CPLX2: variants seen among roughly 807,000 people sequenced by gnomAD.
CPLX2 encodes the protein complexin-2.
CPLX2 carries 5 observed loss-of-function variants against 16.3 expected under a neutral mutation model. The ratio of observed to expected loss-of-function variants is 0.31; its 90% CI spans 0.16 to 0.64. The LOEUF (loss-of-function observed/expected upper bound fraction) is 0.64, where lower values mean the gene tolerates loss of function less well. CPLX2 is among the 30% of genes least tolerant of loss of function. The probability of loss-of-function intolerance (pLI) is 0.79; values close to 1 mark genes in which losing one functional copy is unlikely to be tolerated. For synonymous variants in CPLX2, 89 were observed against 73.2 expected, an observed-to-expected ratio of 1.22 and a Z score of -1.10; for missense variants, 144 against 181.4, an observed-to-expected ratio of 0.79 and a Z score of 1.18.
chr5:175,796,936 C>T (rs1277667415), intron 1 of CPLX2, among the ~76,000 whole-genome samples: 4 of 152,048 alleles, frequency 2.6e-5, no homozygotes, highest in African/African-American at 9.7e-5. Flanking sequence ...TCTCAGCCGC[C>T]GGCGGCTCTT....
chr5:175,860,772 G>A (rs910463802), intron 2 of CPLX2, among the ~76,000 whole-genome samples: 3 of 152,116 alleles, frequency 2.0e-5, no homozygotes, highest in Non-Finnish European at 2.9e-5. Context: ...AGCTGGCTAT[G>A]GATCTAATGC....
intron 2 of CPLX2, among the ~76,000 whole-genome samples, chr5:175,854,821 C>T (rs1759221681): frequency 6.6e-6 from 1 of 152,142 alleles, no homozygotes; most frequent in Admixed American, 6.5e-5. Flanking sequence ...GATCCAGCGC[C>T]ACAGTGGGAG....
chr5:175,816,455 C>T (rs1021320444), intron 2 of CPLX2, among the ~76,000 whole-genome samples: 3 of 152,192 alleles, frequency 2.0e-5, no homozygotes, highest in South Asian at 2.1e-4. Flanking sequence ...CTTGAGCCAC[C>T]GCACCCAGCC....
chr5:175,846,510 A>G (rs1189339603), intron 2 of CPLX2, among the ~76,000 whole-genome samples: 1 of 152,178 alleles, frequency 6.6e-6, no homozygotes, highest in Non-Finnish European at 1.5e-5. Flanking sequence ...GGGATGCTGG[A>G]CATTTATTGA....
intron 2 of CPLX2, among the ~76,000 whole-genome samples, chr5:175,833,463 C>T (rs769795901): frequency 6.6e-6 from 1 of 152,122 alleles, no homozygotes; most frequent in Non-Finnish European, 1.5e-5. Flanking sequence ...ACAAGGGACA[C>T]AGGGGACTCG....
rs376507906 is a variant in CPLX2 at position 175,825,108 on chromosome 5, C to T, written c.-89+16040C>T. Among the ~76,000 whole-genome samples, 12 of 152,048 alleles carry T rather than the reference C, an allele frequency of 7.9e-5. No homozygotes were observed. In the East Asian group the frequency reaches 1.5e-3, roughly 20 times the overall value. On this transcript the variant is annotated intron_variant, in intron 2 of 4. Coordinates refer to the CPLX2 transcript ENST00000359546. ...AGGGTACAGAGAAGCTTTAACTTGG[C>T]GAACTGGACCGGGTACAGTGGCTCG...
In CPLX2 at chr5:175,828,901, A is replaced by G. The variant is rs998226958; in HGVS notation, c.-89+19833A>G. On this transcript the variant is annotated intron_variant, in intron 2 of 4. Transcript: ENST00000359546. Reference sequence around the variant, plus strand: ...TCTGTTCCTAGAGAGGCTGTGATTCATGGCCATGGGGGATGCCTCCCCCAT... The same window carrying G: ...TCTGTTCCTAGAGAGGCTGTGATTCGTGGCCATGGGGGATGCCTCCCCCAT... Among the ~76,000 whole-genome samples, 12 of 152,256 alleles carry G rather than the reference A, an allele frequency of 7.9e-5. No individual in the cohort carries two copies. In the East Asian group the frequency reaches 2.3e-3, roughly 29 times the overall value.
chr5:175,823,189 T>C (rs1758544711), intron 2 of CPLX2, among the ~76,000 whole-genome samples: 1 of 152,260 alleles, frequency 6.6e-6, no homozygotes, highest in African/African-American at 2.4e-5. Context: ...GGACTTTAAG[T>C]ATCGTCAGGA....
At chr5:175,854,038 G>T (rs369473765) in intron 2 of CPLX2, among the ~76,000 whole-genome samples, 1 of 152,156 alleles carries the variant, frequency 6.6e-6, no homozygotes, top group South Asian at 2.1e-4. Flanking sequence ...TCAGAGAGGC[G>T]CAGTGCCTTG....
At chr5:175,846,813 C>T (rs977234953) in intron 2 of CPLX2, among the ~76,000 whole-genome samples, 5 of 152,306 alleles carry the variant, frequency 3.3e-5, no homozygotes, top group African/African-American at 9.6e-5. Context: ...GAATCCCTCC[C>T]GGGCTGCTGG....
At chr5:175,818,563 C>T (rs1758449392) in intron 2 of CPLX2, among the ~76,000 whole-genome samples, 1 of 151,410 alleles carries the variant, frequency 6.6e-6, no homozygotes, top group Non-Finnish European at 1.5e-5. Context: ...TTCCCCAGCT[C>T]GAGACACAGA....
intron 1 of CPLX2, among the ~76,000 whole-genome samples, chr5:175,877,220 G>C (rs1581105899): frequency 7.3e-6 from 1 of 136,246 alleles, no homozygotes; most frequent in Admixed American, 7.2e-5. Flanking sequence ...TTTGTGTTTT[G>C]CTTTTTTTTT....
At chr5:175,797,205 G>C (rs1581061940) in intron 1 of CPLX2, among the ~76,000 whole-genome samples, 1 of 152,196 alleles carries the variant, frequency 6.6e-6, no homozygotes, top group East Asian at 1.9e-4. Context: ...ACAAAGCCGC[G>C]GGTCTGGGGC....
Position 175,881,380 on chromosome 5 carries a change from TG to T in CPLX2, c.*1338del, listed in dbSNP as rs941427205. Reference sequence around the variant, plus strand: ...GTGTGCTTGATTGAGGTGGTGTATTTGGGTTGAAATTGTGTCATATGTGTGT... The same window carrying T: ...GTGTGCTTGATTGAGGTGGTGTATTTGGTTGAAATTGTGTCATATGTGTGT... On this transcript the variant is annotated 3_prime_UTR_variant, in exon 4 of 4. Transcript: ENST00000393745. 4.6e-5 allele frequency: 7 copies of T among 153,372 alleles called. No homozygotes were observed. The highest frequency in any genetic ancestry group is 1.7e-4 in the African/African-American group (7 of 41,420). The allele number at this position is 153,372 out of a possible 1,614,324, so 9.5% of individuals were successfully genotyped here. A position where few individuals can be genotyped will look rare whatever the true frequency, so the allele number is the denominator to read the frequency against.
chr5:175,820,578 G>T (rs1758487262), intron 2 of CPLX2, among the ~76,000 whole-genome samples: 2 of 152,208 alleles, frequency 1.3e-5, no homozygotes, highest in Non-Finnish European at 2.9e-5. Flanking sequence ...AGGACTCTCA[G>T]CTCAGAGCCC....
At chr5:175,871,064 T>C (rs1581101503), upstream of CPLX2, among the ~76,000 whole-genome samples, 1 of 151,704 alleles carries the variant, frequency 6.6e-6, no homozygotes. Flanking sequence ...TGTCTGGGAG[T>C]GGCAGGAGCC....
At position 175,830,202 on chromosome 5, in the gene CPLX2, C is replaced by T. The variant is rs1758707591; in HGVS notation, c.-89+21134C>T. 6.6e-6 allele frequency among the ~76,000 whole-genome samples: 1 copy of T among 152,240 alleles called. No homozygotes were observed. The highest frequency in any genetic ancestry group is 6.5e-5 in the Admixed American group (1 of 15,290). On this transcript the variant is annotated intron_variant, in intron 2 of 4. Coordinates refer to the CPLX2 transcript ENST00000359546. This position sits in a 1 kb window ranked among gnomAD's most constrained non-coding sequence, Gnocchi z 4.0. The stretch of plus-strand genomic sequence containing the variant: ...ACAGGCAGGGAGGGCACTGCCGCCA[C>T]AGAGCTGCCCTGGTTCCCTGCCCCC...
intron 2 of CPLX2, among the ~76,000 whole-genome samples, chr5:175,840,603 G>A (rs773969556): frequency 1.3e-5 from 2 of 152,196 alleles, no homozygotes; most frequent in African/African-American, 2.4e-5. Flanking sequence ...CTTTCATGGA[G>A]GACGAAAAAT....
intron 2 of CPLX2, among the ~76,000 whole-genome samples, chr5:175,827,342 G>T (rs1581079075): frequency 6.6e-6 from 1 of 152,208 alleles, no homozygotes; most frequent in East Asian, 1.9e-4. Flanking sequence ...AAGGGAAATT[G>T]TTGCTTGATT....
Sources: allele counts gnomAD v4.1 joint callset (sites outside exome capture counted in the v4.1 genomes callset), GRCh38; gene constraint gnomAD v4.1.1; non-coding constraint Gnocchi (gnomAD v3.1); transcripts MANE v1.5; gene names NCBI Gene and HGNC (gene_info 2026-07-23, HGNC 2026-07-21).